PCDHGA10: variants seen among roughly 807,000 people sequenced by gnomAD.
PCDHGA10 encodes the protein protocadherin gamma subfamily A, 10.
In PCDHGA10, 42 loss-of-function variants were observed where a neutral mutation model predicts 59.5. That is an observed-to-expected ratio of 0.71 (90% CI 0.55 to 0.91). The LOEUF is 0.91. PCDHGA10 is among the 40% of genes least tolerant of loss of function. The probability of loss-of-function intolerance (pLI) is 0.00; values close to 1 mark genes in which losing one functional copy is unlikely to be tolerated. For missense variants in PCDHGA10, 1,111 were observed against 1,198.2 expected (o/e 0.93, Z 1.07); for synonymous variants, 511 against 517.2 (o/e 0.99, Z 0.16).
chr5:141,478,726 G>A, intron 1 of PCDHGA10: 2 of 1,540,996 alleles, frequency 1.3e-6, no homozygotes, highest in Non-Finnish European at 1.8e-6. Context: ...GCCTGCCAGA[G>A]TGTGGTTTGT....
chr5:141,427,664 C>T (rs760682962), intron 1 of PCDHGA10: 11 of 775,778 alleles, frequency 1.4e-5, no homozygotes, highest in East Asian at 1.0e-4. Context: ...TCCACGTGGC[C>T]GAAAACAACC....
chr5:141,457,168 C>T (rs10072917), intron 1 of PCDHGA10, among the ~76,000 whole-genome samples: 42,426 of 152,004 alleles, frequency 0.28, 6,644 homozygotes, highest in African/African-American at 0.43. Context: ...ATGGATAACC[C>T]TATTGCAAAT....
rs767397479 is a variant in PCDHGA10 at position 141,430,717 on chromosome 5, T to C, written c.2436+15106T>C. On this transcript the variant is annotated intron_variant, in intron 1 of 3. Transcript: ENST00000398610. ...GCGAAGGAACTGCTCCTGACTTCAG[T>C]GGTTAAGGGCAGAATTGAAAATAAT... is the stretch of plus-strand genomic sequence containing the variant. The C allele has an allele frequency of 8.1e-6, 12 of 1,475,446 alleles. No individual in the cohort carries two copies. The East Asian group carries it at 2.4e-4, about 29-fold the overall frequency. 91.4% of individuals were successfully genotyped at this position (1,475,446 alleles called of 1,614,324 possible). A position where few individuals can be genotyped will look rare whatever the true frequency, so the allele number is the denominator to read the frequency against.
chr5:141,477,007 A>C lies in PCDHGA10; in HGVS notation c.2437-17800A>C, dbSNP rs891158982. The C allele has an allele frequency of 1.9e-6, 3 of 1,614,258 alleles. No individual in the cohort carries two copies. The Admixed American group carries it at 5.0e-5, about 27-fold the overall frequency. ...CCGGCGTGCGGCAACTATTCGCCTT[A>C]GACCTTGTAACCGGGATGCTGACAA... On this transcript the variant is annotated intron_variant, in intron 1 of 3. Coordinates refer to ENST00000398610, the MANE Select transcript of PCDHGA10 (RefSeq NM_018913.3). This position sits in a 1 kb window ranked among gnomAD's most constrained non-coding sequence, Gnocchi z 4.9.
chr5:141,489,339 C>T lies in PCDHGA10; in HGVS notation c.2437-5468C>T. 6.2e-7 allele frequency: 1 copy of T among 1,608,828 alleles called. No individual in the cohort carries two copies. On this transcript the variant is annotated intron_variant, in intron 1 of 3. Transcript: ENST00000398610. The surrounding 1 kb of genome is among the most constrained non-coding windows in gnomAD (Gnocchi z 4.5). ...GCTGGGTGTCTGGGCAGCTTCGTTA[C>T]TCAGTGGTGGAGGAGTCTGAGCCGG...
At chr5:141,438,957 C>T (rs1292059651) in intron 1 of PCDHGA10, among the ~76,000 whole-genome samples, 1 of 152,026 alleles carries the variant, frequency 6.6e-6, no homozygotes, top group Non-Finnish European at 1.5e-5. Context: ...TGAGCCACCG[C>T]ACCCTGCCAA....
Position 141,427,885 on chromosome 5 carries a change from ACCAGGGCTCGC to A in PCDHGA10, c.2436+12277_2436+12287del, listed in dbSNP as rs772694818. 4 of 1,565,134 alleles carry A rather than the reference ACCAGGGCTCGC, an allele frequency of 2.6e-6. No homozygotes were observed. In the East Asian group the frequency reaches 6.7e-5, roughly 26 times the overall value. ...TTCGAGCTCACGATGCAGGCCCACGACCAGGGCTCGCCCGCGCTCAGCGCCAACATGAGCCG... is the reference window on the plus strand; with the variant it reads ...TTCGAGCTCACGATGCAGGCCCACGACCGCGCTCAGCGCCAACATGAGCCG... On this transcript the variant is annotated intron_variant, in intron 1 of 3. Coordinates refer to ENST00000398610, the MANE Select transcript of PCDHGA10 (RefSeq NM_018913.3).
At chr5:141,423,003 G>A (rs779233337) in intron 1 of PCDHGA10, 1 of 1,614,208 alleles carries the variant, frequency 6.2e-7, no homozygotes, top group African/African-American at 1.3e-5. Flanking sequence ...TGACCAAGGT[G>A]GTTGCGGTGG....
chr5:141,423,327 A>C, intron 1 of PCDHGA10: 1 of 1,614,100 alleles, frequency 6.2e-7, no homozygotes, highest in Non-Finnish European at 8.5e-7. Context: ...CGGTGGCCGC[A>C]GTCTCCTGCA....
chr5:141,426,488 T>G, intron 1 of PCDHGA10: 1 of 328,024 alleles, frequency 3.0e-6, no homozygotes, highest in Non-Finnish European at 6.1e-6. Context: ...AACCTTAGAG[T>G]TAGTGCAGAG....
chr5:141,476,158 G>A lies in PCDHGA10; in HGVS notation c.2437-18649G>A. 2 of 1,612,868 alleles carry A rather than the reference G, an allele frequency of 1.2e-6. No homozygotes were observed. Among genetic ancestry groups the A allele is most frequent in the Non-Finnish European group, 1.7e-6 (2 of 1,179,894 alleles). On this transcript the variant is annotated intron_variant, in intron 1 of 3. Transcript: ENST00000398610. The surrounding 1 kb of genome is among the most constrained non-coding windows in gnomAD (Gnocchi z 7.6). ...GGAGGAGCGGACTGGTAAGCACCGGGAGGGTAGTGGGAGTTTTGCTTCTGC... is the reference window on the plus strand; with the variant it reads ...GGAGGAGCGGACTGGTAAGCACCGGAAGGGTAGTGGGAGTTTTGCTTCTGC...
intron 1 of PCDHGA10, chr5:141,428,659 G>A: frequency 6.1e-6 from 1 of 164,982 alleles, no homozygotes; most frequent in East Asian, 1.8e-4. Context: ...GAGTTCCAAT[G>A]AATGTCTTTC....
chr5:141,496,589 G>A (rs914585858), intron 2 of PCDHGA10, among the ~76,000 whole-genome samples: 7 of 152,124 alleles, frequency 4.6e-5, no homozygotes, highest in Admixed American at 6.5e-5. Flanking sequence ...AACGCAAAGC[G>A]CTTCTTAGAA....
intron 1 of PCDHGA10, among the ~76,000 whole-genome samples, chr5:141,482,161 G>A (rs2099554171): frequency 6.6e-6 from 1 of 152,008 alleles, no homozygotes; most frequent in Non-Finnish European, 1.5e-5. Context: ...TCAAAGATAT[G>A]TAAGATTAAG....
At chr5:141,482,876 AGCCTG>A (rs2099574018) in intron 1 of PCDHGA10, among the ~76,000 whole-genome samples, 1 of 152,142 alleles carries the variant, frequency 6.6e-6, no homozygotes, top group Admixed American at 6.5e-5. Flanking sequence ...GTTTGAAACC[AGCCTG>A]GCCAACATGG....
chr5:141,469,974 T>C (rs1456176152), intron 1 of PCDHGA10, among the ~76,000 whole-genome samples: 1 of 151,864 alleles, frequency 6.6e-6, no homozygotes, highest in African/African-American at 2.4e-5. Context: ...GTACCAAAAA[T>C]ACAAAAATTA....
At chr5:141,481,462 C>T (rs1395867714) in intron 1 of PCDHGA10, among the ~76,000 whole-genome samples, 1 of 152,162 alleles carries the variant, frequency 6.6e-6, no homozygotes. Flanking sequence ...ACACTGAAAA[C>T]CATTGGATTA....
At position 141,432,950 on chromosome 5, in the gene PCDHGA10, G is replaced by A. The variant is rs750033444; in HGVS notation, c.2436+17339G>A. 9.9e-6 allele frequency: 16 copies of A among 1,614,190 alleles called. No individual in the cohort carries two copies. The highest frequency in any genetic ancestry group is 1.3e-5 in the African/African-American group (1 of 75,060). ...ACGCCTGCTGCAGGCTTCAGGAGGC[G>A]GCTTGACAGGAGCGCCGGCGTCGCA... is the stretch of plus-strand genomic sequence containing the variant. On this transcript the variant is annotated intron_variant, in intron 1 of 3. Coordinates refer to ENST00000398610, the MANE Select transcript of PCDHGA10 (RefSeq NM_018913.3). This position sits in a 1 kb window ranked among gnomAD's most constrained non-coding sequence, Gnocchi z 6.0.
Position 141,432,110 on chromosome 5 carries a change from G to A in PCDHGA10, c.2436+16499G>A. On this transcript the variant is annotated intron_variant, in intron 1 of 3. Coordinates refer to ENST00000398610, the MANE Select transcript of PCDHGA10 (RefSeq NM_018913.3). This position sits in a 1 kb window ranked among gnomAD's most constrained non-coding sequence, Gnocchi z 6.0. ...GGCAGACACCAACGACAACCCGCCG[G>A]TCTTCCCTCAGGCCTCCTATTCCGC... 6.2e-7 allele frequency: 1 copy of A among 1,614,108 alleles called. No individual in the cohort carries two copies. Among genetic ancestry groups the A allele is most frequent in the Non-Finnish European group, 8.5e-7 (1 of 1,180,036 alleles).
Sources: allele counts gnomAD v4.1 joint callset (sites outside exome capture counted in the v4.1 genomes callset), GRCh38; gene constraint gnomAD v4.1.1; non-coding constraint Gnocchi (gnomAD v3.1); transcripts MANE v1.5; gene names NCBI Gene and HGNC (gene_info 2026-07-23, HGNC 2026-07-21).